Variants in ARL15 observed in about 807,000 individuals in gnomAD.
ARL15 encodes the protein ARF like GTPase 15, also known as ADP-ribosylation factor-like protein 15.
In ARL15, 19 loss-of-function variants were observed where a neutral mutation model predicts 25.2. The observed-to-expected ratio is 0.75, with a 90% confidence interval of 0.53 to 1.10. The LOEUF is 1.10. ARL15 is among the 50% of genes least tolerant of loss of function. The pLI is 0.00. For missense variants in ARL15, 220 were observed against 246.0 expected, an observed-to-expected ratio of 0.89 and a Z score of 0.71; for synonymous variants, 94 against 86.8, an observed-to-expected ratio of 1.08 and a Z score of -0.46.
intron 1 of ARL15, among the ~76,000 whole-genome samples, chr5:54,191,982 A>G (rs1234213209): frequency 6.6e-6 from 1 of 152,028 alleles, no homozygotes; most frequent in Non-Finnish European, 1.5e-5. Flanking sequence ...CCCCACTCCT[A>G]ATTATTTCTA....
chr5:54,019,657 T>C (rs1459331556), intron 4 of ARL15, among the ~76,000 whole-genome samples: 1 of 152,208 alleles, frequency 6.6e-6, no homozygotes, highest in Non-Finnish European at 1.5e-5. Context: ...TGTAATAAAC[T>C]ACATCCTAAA....
chr5:54,179,820 C>A (rs2112424666), intron 1 of ARL15, among the ~76,000 whole-genome samples: 1 of 152,048 alleles, frequency 6.6e-6, no homozygotes, highest in Admixed American at 6.5e-5. Flanking sequence ...GAGTTCGAGA[C>A]CAGCCTGGCC....
intron 2 of ARL15, among the ~76,000 whole-genome samples, chr5:54,167,473 T>C (rs183151896): frequency 2.2e-4 from 34 of 152,326 alleles, no homozygotes; most frequent in Admixed American, 2.1e-3. Context: ...TTCTCAGGGA[T>C]AACTGCGTTT....
chr5:54,202,156 T>C (rs752870158), intron 1 of ARL15, among the ~76,000 whole-genome samples: 15 of 152,276 alleles, frequency 9.9e-5, no homozygotes, highest in South Asian at 2.1e-4. Flanking sequence ...ACCACTCATA[T>C]TGTAGAATAA....
intron 4 of ARL15, among the ~76,000 whole-genome samples, chr5:54,004,671 A>G (rs1748960704): frequency 6.6e-6 from 1 of 152,048 alleles, no homozygotes; most frequent in Non-Finnish European, 1.5e-5. Context: ...TTACTGGTAA[A>G]TTATTTTAGA....
At chr5:53,907,475 TA>T in intron 4 of ARL15, among the ~76,000 whole-genome samples, 2 of 29,700 alleles carry the variant, frequency 6.7e-5, no homozygotes, top group African/African-American at 3.0e-4. Context: ...TATATATATA[TA>T]TATATATATA....
intron 4 of ARL15, among the ~76,000 whole-genome samples, chr5:53,980,109 C>A (rs190418792): frequency 2.1e-5 from 2 of 94,354 alleles, no homozygotes; most frequent in African/African-American, 8.5e-5. Flanking sequence ...CCTATGATTC[C>A]TAAATTATAC....
chr5:54,113,433 T>C, intron 3 of ARL15, 23 bp from the exon 4 acceptor site: 1 of 1,604,314 alleles, frequency 6.2e-7, no homozygotes, highest in Non-Finnish European at 8.5e-7. Context: ...AAACAAATTT[T>C]CGTTTTAAAA....
chr5:53,980,576 T>G (rs1748087475), intron 4 of ARL15, among the ~76,000 whole-genome samples: 2 of 152,230 alleles, frequency 1.3e-5, no homozygotes, highest in African/African-American at 2.4e-5. Context: ...ATTATCAGAA[T>G]TTAGTTCTCT....
chr5:54,058,993 G>A (rs1394833816), intron 4 of ARL15, among the ~76,000 whole-genome samples: 2 of 152,164 alleles, frequency 1.3e-5, no homozygotes, highest in African/African-American at 4.8e-5. Flanking sequence ...AATTTTAATT[G>A]CACAACCTTG....
intron 4 of ARL15, among the ~76,000 whole-genome samples, chr5:53,968,231 A>T (rs1747628333): frequency 1.3e-5 from 2 of 152,246 alleles, no homozygotes; most frequent in South Asian, 4.1e-4. Flanking sequence ...TAAATTATAC[A>T]GCTTTCAGAT....
chr5:53,894,264 C>T (rs979039940), intron 4 of ARL15, among the ~76,000 whole-genome samples: 2 of 152,196 alleles, frequency 1.3e-5, no homozygotes, highest in Non-Finnish European at 2.9e-5. Flanking sequence ...TTGAGCCTTG[C>T]TCTTACTATA....
At chr5:54,206,105 G>T (rs1293423865) in intron 1 of ARL15, among the ~76,000 whole-genome samples, 1 of 152,122 alleles carries the variant, frequency 6.6e-6, no homozygotes, top group African/African-American at 2.4e-5. Flanking sequence ...GTAATAAATA[G>T]ATTATATTGA....
intron 1 of ARL15, among the ~76,000 whole-genome samples, chr5:54,274,877 G>C (rs1025950010): frequency 6.6e-6 from 1 of 152,134 alleles, no homozygotes; most frequent in East Asian, 1.9e-4. Flanking sequence ...CTGGATGACA[G>C]AGCAAGATTC....
intron 4 of ARL15, among the ~76,000 whole-genome samples, chr5:53,969,952 A>G (rs1037884709): frequency 2.0e-5 from 3 of 152,210 alleles, no homozygotes. Context: ...ATGTAAATGA[A>G]AATGTGGTTT....
At chr5:54,005,859 C>G (rs1376794342) in intron 4 of ARL15, among the ~76,000 whole-genome samples, 1 of 126,270 alleles carries the variant, frequency 7.9e-6, no homozygotes, top group Non-Finnish European at 1.7e-5. Context: ...GAGACTCCAT[C>G]TCAAAAAAAA....
intron 1 of ARL15, among the ~76,000 whole-genome samples, chr5:54,184,292 A>C (rs1347596589): frequency 6.7e-6 from 1 of 149,190 alleles, no homozygotes; most frequent in Non-Finnish European, 1.5e-5. Flanking sequence ...AAAATTTAAA[A>C]ATTAGCCAGG....
intron 4 of ARL15, among the ~76,000 whole-genome samples, chr5:53,931,724 C>A (rs1746200404): frequency 6.6e-6 from 1 of 152,216 alleles, no homozygotes; most frequent in South Asian, 2.1e-4. Flanking sequence ...AAATACCCAA[C>A]TAAAACCAAA....
At chr5:54,172,022 T>C in intron 1 of ARL15, 94 bp from the exon 2 acceptor site, 1 of 1,435,668 alleles carries the variant, frequency 7.0e-7, no homozygotes, top group Non-Finnish European at 9.4e-7. Context: ...TATTAAGAGG[T>C]AATTGAATAA....
Sources: gnomAD v4.1 joint callset for allele counts (sites outside exome capture counted in the v4.1 genomes callset) on GRCh38, gnomAD v4.1.1 for gene constraint, MANE v1.5 for transcripts, NCBI Gene and HGNC (gene_info 2026-07-23, HGNC 2026-07-21) for gene names.